The following WDR17 variants were observed in gnomAD, a reference collection of about 807,000 sequenced individuals.
WDR17 encodes WD repeat-containing protein 17.
WDR17 carries 143 observed loss-of-function variants against 161.7 expected under a neutral mutation model. The observed-to-expected ratio is 0.88, with a 90% confidence interval of 0.77 to 1.02. The LOEUF is 1.02. WDR17 is among the 50% of genes least tolerant of loss of function. The pLI is 0.00. For synonymous variants in WDR17, 517 were observed against 515.6 expected (o/e 1.00, Z -0.04); for missense variants, 1,469 against 1,520.9 (o/e 0.97, Z 0.57).
rs893994324 is a variant in WDR17, at chr4:176,182,392, T to A, written c.*2813T>A. ...CATGTATGTATGAAATATATATATG[T>A]GCGTGTGTGTGTGTATATATATATA... On this transcript the variant is annotated 3_prime_UTR_variant, in exon 29 of 29. Transcript: ENST00000508596. This position sits in a 1 kb window ranked among gnomAD's most constrained non-coding sequence, Gnocchi z 4.2. 1.3e-5 allele frequency: 1 copy of A among 78,180 alleles called. No individual in the cohort carries two copies. The highest frequency in any genetic ancestry group is 2.4e-5 in the Non-Finnish European group (1 of 41,376). The allele number at this position is 78,180 out of a possible 1,614,324, so 4.8% of individuals were successfully genotyped here.
chr4:176,075,966 C>A (rs1733915900), intron 1 of WDR17, among the ~76,000 whole-genome samples: 1 of 151,610 alleles, frequency 6.6e-6, no homozygotes, highest in Non-Finnish European at 1.5e-5. Context: ...TGCAGCGAGA[C>A]CCTGGCTCAA....
chr4:176,179,489 A>G lies in WDR17; in HGVS notation c.3762A>G (p.Lys1254=). 1 of 1,601,606 alleles carries G rather than the reference A, an allele frequency of 6.2e-7. No individual in the cohort carries two copies. The highest frequency in any genetic ancestry group is 1.1e-5 in the South Asian group (1 of 89,154). Residue 1254 remains lysine, a synonymous_variant, in exon 29 of 29, where the codon AAA becomes AAG. Transcript: ENST00000508596. ...CTGTGTTTTTCCTTGAAGACGGGAA[A>G]TCTGCTATCTCCTTGAATGATGCTT... ...QGPVFFLEDG[K]SAISLNDALM... is the part of the protein sequence containing the mutation.
intron 26 of WDR17, 39 bp downstream of exon 26, chr4:176,174,757 A>G (rs4690665): frequency 0.25 from 339,073 of 1,335,628 alleles, 45,246 homozygotes; most frequent in Admixed American, 0.42. Flanking sequence ...CATTAGAGCA[A>G]TTTCTCTTGC....
intron 1 of WDR17, among the ~76,000 whole-genome samples, chr4:176,104,430 T>C: frequency 6.6e-6 from 1 of 152,076 alleles, no homozygotes; most frequent in Admixed American, 6.6e-5. Context: ...ATAAAATATT[T>C]TAAAAATTCT....
At chr4:176,112,825 A>AT (rs1739991211) in intron 2 of WDR17, among the ~76,000 whole-genome samples, 1 of 152,176 alleles carries the variant, frequency 6.6e-6, no homozygotes, top group Non-Finnish European at 1.5e-5. Flanking sequence ...AAATGAATGA[A>AT]TTAAGGAAAG....
chr4:176,170,709 C>A (rs748445938), intron 23 of WDR17, among the ~76,000 whole-genome samples: 2 of 152,174 alleles, frequency 1.3e-5, no homozygotes, highest in Non-Finnish European at 2.9e-5. Context: ...ATATTATTCA[C>A]CTCGTCTTTT....
In WDR17 at chr4:176,173,365, A is replaced by T. The variant is rs767748979; in HGVS notation, c.3343A>T (p.Thr1115Ser). The change falls in exon 25 of 29, where the codon ACT (threonine) becomes TCT (serine). Residue 1115 changes from threonine to serine, a missense_variant. Physicochemically the swap from Thr to Ser is moderately conservative, Grantham distance 58. Transcript: ENST00000508596. ...TGAAAAATTACTCTTGCATACGTGT[A>T]CTGAGTGAGTATTTTTTCTGCAAAA... The part of the protein sequence containing the change: ...RTEKLLLHTC[T>S]EARNELLILC... 1 of 1,602,468 alleles carries T rather than the reference A, an allele frequency of 6.2e-7. No homozygotes were observed. The highest frequency in any genetic ancestry group is 1.7e-5 in the Admixed American group (1 of 59,350).
At position 176,174,226 on chromosome 4, in the gene WDR17, G is replaced by C. The variant is rs576997046; in HGVS notation, c.3348-391G>C. ...ATGGAAAAAATGATGCAGCAGCCTG[G>C]GAGACTGGCTAACTCCCTCAGCAAG... is the stretch of plus-strand genomic sequence containing the variant. On this transcript the variant is annotated intron_variant, in intron 25 of 28. Transcript: ENST00000508596. Among the ~76,000 whole-genome samples the C allele has an allele frequency of 5.3e-5, 8 of 152,074 alleles. No homozygotes were observed. In the South Asian group the frequency reaches 1.0e-3, roughly 20 times the overall value.
chr4:176,167,644 CAAAAAAAAA>C (rs34187946), intron 22 of WDR17, among the ~76,000 whole-genome samples: 173 of 23,822 alleles, frequency 7.3e-3, no homozygotes, highest in African/African-American at 0.027. Context: ...GACTCCGTCT[CAAAAAAAAA>C]AAAAAAAAAA....
chr4:176,147,797 A>G (rs1462195077), intron 12 of WDR17, among the ~76,000 whole-genome samples: 5 of 78,574 alleles, frequency 6.4e-5, no homozygotes, highest in African/African-American at 1.0e-4. Flanking sequence ...TACTACCAGT[A>G]ATGAGTAAAA....
chr4:176,146,270 G>A (rs1338905524), intron 12 of WDR17, 111 bp downstream of exon 12: 1 of 1,149,176 alleles, frequency 8.7e-7, no homozygotes, highest in African/African-American at 1.6e-5. Context: ...GTCTCCCTCT[G>A]TCACCCAGGC....
chr4:176,097,572 A>G lies in WDR17; in HGVS notation c.-6-14003A>G, dbSNP rs150356494. On this transcript the variant is annotated intron_variant, in intron 1 of 28. Transcript: ENST00000508596. ...GCCAGTAAATATCTAACTCTGAAGA[A>G]TAATACTCATATTGTAAATCCTAAA... Among the ~76,000 whole-genome samples the G allele has an allele frequency of 3.9e-3, 598 of 152,114 alleles. 5 individuals are homozygous for G. The highest frequency in any genetic ancestry group is 0.014 in the African/African-American group (568 of 41,526).
At position 176,082,639 on chromosome 4, in the gene WDR17, G is replaced by A. The variant is rs928917837; in HGVS notation, c.-7+16560G>A. ...TCCAAGTTCCAAATGGAAGAAAAAG[G>A]GTGAGCTGAAAATGGTATGCCTTTT... On this transcript the variant is annotated intron_variant, in intron 1 of 28. Coordinates refer to ENST00000508596, the MANE Select transcript of WDR17 (RefSeq NM_181265.4). 4.6e-5 allele frequency among the ~76,000 whole-genome samples: 7 copies of A among 152,060 alleles called. 1 individual carries two copies. Among genetic ancestry groups the A allele is most frequent in the Admixed American group, 1.3e-4 (2 of 15,244 alleles).
At chr4:176,078,836 G>A (rs114546144) in intron 1 of WDR17, among the ~76,000 whole-genome samples, 2,013 of 151,966 alleles carry the variant, frequency 0.013, 15 homozygotes, top group Non-Finnish European at 0.02. Flanking sequence ...AATCAGGATA[G>A]TATATCTGTC....
At chr4:176,071,327 TCTC>T (rs1212886149) in intron 1 of WDR17, among the ~76,000 whole-genome samples, 1 of 108,230 alleles carries the variant, frequency 9.2e-6, no homozygotes, top group Non-Finnish European at 2.3e-5. Flanking sequence ...TTTTTTCTTT[TCTC>T]TTTTTTTTTT....
intron 1 of WDR17, among the ~76,000 whole-genome samples, chr4:176,093,498 A>G (rs560256797): frequency 2.6e-5 from 4 of 152,294 alleles, no homozygotes; most frequent in African/African-American, 4.8e-5. Flanking sequence ...TTTTATTTTA[A>G]TTACTGATAT....
At chr4:176,160,168 G>A in intron 19 of WDR17, 42 bp downstream of exon 19, 1 of 1,607,396 alleles carries the variant, frequency 6.2e-7, no homozygotes, top group Non-Finnish European at 8.5e-7. Context: ...ATGAATGCTT[G>A]AGCATGTAGA....
intron 7 of WDR17, among the ~76,000 whole-genome samples, chr4:176,133,164 A>G (rs540076895): frequency 1.8e-4 from 26 of 145,642 alleles, no homozygotes; most frequent in Non-Finnish European, 3.3e-4. Flanking sequence ...CGAAGAAAAA[A>G]AAAACAATTT....
intron 1 of WDR17, among the ~76,000 whole-genome samples, chr4:176,077,980 G>A (rs1409197580): frequency 2.0e-5 from 3 of 151,258 alleles, no homozygotes; most frequent in Admixed American, 2.0e-4. Flanking sequence ...ATTGCTTTCT[G>A]TCACTAAATA....
Sources: gnomAD v4.1 joint callset for allele counts (sites outside exome capture counted in the v4.1 genomes callset) on GRCh38, gnomAD v4.1.1 for gene constraint, Gnocchi (gnomAD v3.1) non-coding constraint, MANE v1.5 for transcripts, NCBI Gene and HGNC (gene_info 2026-07-23, HGNC 2026-07-21) for gene names.